The following NTN1 variants were observed in gnomAD, a reference collection of about 807,000 sequenced individuals.
The protein encoded by NTN1 is netrin-1.
Under a neutral mutation model 54.2 loss-of-function variants are expected in NTN1, and 11 were observed. That is an observed-to-expected ratio of 0.20 (90% CI 0.13 to 0.34). The LOEUF (loss-of-function observed/expected upper bound fraction) is 0.34, where lower values mean the gene tolerates loss of function less well. Ranked by LOEUF, NTN1 falls within the 10% of genes least tolerant of loss-of-function variation. The pLI is 1.00. For missense variants in NTN1, 740 were observed against 893.1 expected, an observed-to-expected ratio of 0.83 and a Z score of 2.18; for synonymous variants, 371 against 382.0, an observed-to-expected ratio of 0.97 and a Z score of 0.33.
At chr17:9,131,345 TTCAA>T (rs1175634007) in intron 2 of NTN1, among the ~76,000 whole-genome samples, 1 of 152,228 alleles carries the variant, frequency 6.6e-6, no homozygotes, top group African/African-American at 2.4e-5. Context: ...ATTGTTTCTC[TTCAA>T]TCACGAGAAA....
At chr17:9,031,182 A>C (rs1161507670) in intron 2 of NTN1, among the ~76,000 whole-genome samples, 1 of 152,198 alleles carries the variant, frequency 6.6e-6, no homozygotes, top group Non-Finnish European at 1.5e-5. Flanking sequence ...GCTGGCTTTA[A>C]ATAACTGAGT....
chr17:9,119,162 C>G (rs1436498546), intron 2 of NTN1, among the ~76,000 whole-genome samples: 2 of 152,054 alleles, frequency 1.3e-5, no homozygotes, highest in African/African-American at 4.8e-5. Flanking sequence ...TATTATTTGT[C>G]TTTTTAAAAA....
At chr17:9,147,840 A>G (rs1007039022) in intron 2 of NTN1, among the ~76,000 whole-genome samples, 1 of 152,222 alleles carries the variant, frequency 6.6e-6, no homozygotes, top group African/African-American at 2.4e-5. Flanking sequence ...TGAGCTCTAA[A>G]TGAATTGTAC....
At chr17:9,099,138 G>A (rs898637015) in intron 2 of NTN1, among the ~76,000 whole-genome samples, 2 of 152,196 alleles carry the variant, frequency 1.3e-5, no homozygotes, top group Non-Finnish European at 2.9e-5. Flanking sequence ...GCGCAGTGGC[G>A]CACGCTTGTG....
chr17:9,191,798 G>C (rs996419134), intron 5 of NTN1, among the ~76,000 whole-genome samples: 31 of 150,566 alleles, frequency 2.1e-4, no homozygotes, highest in African/African-American at 7.1e-4. Flanking sequence ...GAGGCCAACG[G>C]GGGAGGATCT....
chr17:9,209,640 G>C (rs542611585), intron 5 of NTN1, among the ~76,000 whole-genome samples: 2 of 152,308 alleles, frequency 1.3e-5, no homozygotes, highest in African/African-American at 4.8e-5. Context: ...GGCTTCCCTG[G>C]GCAGCACTTG....
At chr17:9,202,144 G>A (rs1904817363) in intron 5 of NTN1, among the ~76,000 whole-genome samples, 1 of 150,842 alleles carries the variant, frequency 6.6e-6, no homozygotes, top group Non-Finnish European at 1.5e-5. Context: ...AGGAGGCTGA[G>A]GCGGGAGAAT....
intron 2 of NTN1, among the ~76,000 whole-genome samples, chr17:9,112,928 G>A (rs1356445277): frequency 6.6e-6 from 1 of 151,896 alleles, no homozygotes; most frequent in Non-Finnish European, 1.5e-5. Flanking sequence ...TGGAGAAAAT[G>A]TGTTAGATAC....
chr17:9,145,458 C>A (rs192804398), intron 2 of NTN1, among the ~76,000 whole-genome samples: 18 of 152,316 alleles, frequency 1.2e-4, no homozygotes, highest in African/African-American at 4.3e-4. Flanking sequence ...GGAGGACTAA[C>A]CCCCTACCAC....
intron 2 of NTN1, among the ~76,000 whole-genome samples, chr17:9,114,413 T>G (rs1271324104): frequency 6.6e-6 from 1 of 150,816 alleles, no homozygotes. Context: ...GTTTGAATTT[T>G]TTGCAAAAAA....
chr17:9,104,841 C>T (rs754866422), intron 2 of NTN1, among the ~76,000 whole-genome samples: 5 of 152,292 alleles, frequency 3.3e-5, no homozygotes, highest in South Asian at 2.1e-4. Context: ...CTAGGGAGTG[C>T]GAGGTTGGCC....
At chr17:9,145,724 G>A (rs4791338) in intron 2 of NTN1, among the ~76,000 whole-genome samples, 12 of 151,928 alleles carry the variant, frequency 7.9e-5, no homozygotes, top group Non-Finnish European at 1.6e-4. Context: ...TGAGACCAGC[G>A]TGGCCAACAT....
At chr17:9,213,058 G>C (rs1241863295) in intron 5 of NTN1, among the ~76,000 whole-genome samples, 2 of 152,228 alleles carry the variant, frequency 1.3e-5, no homozygotes, top group Non-Finnish European at 2.9e-5. Flanking sequence ...CTGGGATTGG[G>C]CCTGCAGGCC....
chr17:9,243,130 G>A lies in NTN1; in HGVS notation c.*3162G>A, dbSNP rs142260746. The stretch of plus-strand genomic sequence containing the variant: ...ACACGCAGTAATGCCGAAGATTTGC[G>A]GGGGAGGACATAGGGCTGTCCCCGG... On this transcript the variant is annotated 3_prime_UTR_variant, in exon 7 of 7. Transcript: ENST00000173229. 3.6e-4 allele frequency: 55 copies of A among 152,324 alleles called. No homozygotes were observed. Among genetic ancestry groups the A allele is most frequent in the African/African-American group, 1.3e-3 (54 of 41,572 alleles). 9.4% of individuals were successfully genotyped at this position (152,324 alleles called of 1,614,324 possible).
Position 9,242,495 on chromosome 17 carries a change from C to A in NTN1, c.*2527C>A, listed in dbSNP as rs113196403. ...TATCCCACCCTGGGTCTGGGTCTCA[C>A]GGGTGTCCTGTGAGGGGCTTGCATT... is the stretch of plus-strand genomic sequence containing the variant. On this transcript the variant is annotated 3_prime_UTR_variant, in exon 7 of 7. Transcript: ENST00000173229. 0.01 allele frequency: 1,568 copies of A among 152,430 alleles called. 15 individuals carry two copies. Among genetic ancestry groups the A allele is most frequent in the Middle Eastern group, 0.037 (11 of 294 alleles). The allele number at this position is 152,430 out of a possible 1,614,324, so 9.4% of individuals were successfully genotyped here.
chr17:9,201,451 T>G (rs886419074), intron 5 of NTN1, among the ~76,000 whole-genome samples: 2 of 152,210 alleles, frequency 1.3e-5, no homozygotes, highest in African/African-American at 4.8e-5. Flanking sequence ...AAGAGGAACA[T>G]GAGACCAGAG....
At chr17:9,046,148 A>T (rs1460413357) in intron 2 of NTN1, among the ~76,000 whole-genome samples, 2 of 152,360 alleles carry the variant, frequency 1.3e-5, no homozygotes, top group South Asian at 2.1e-4. Flanking sequence ...ATCACGTGTG[A>T]TGAAGGTGTA....
At chr17:9,137,575 C>G (rs966795417) in intron 2 of NTN1, among the ~76,000 whole-genome samples, 2 of 152,114 alleles carry the variant, frequency 1.3e-5, no homozygotes, top group African/African-American at 4.8e-5. Flanking sequence ...GGTGGATCAC[C>G]TGAGGTCAGG....
intron 2 of NTN1, among the ~76,000 whole-genome samples, chr17:9,114,166 A>AATAT (rs34188198): frequency 0.018 from 1,359 of 74,492 alleles, 79 homozygotes; most frequent in African/African-American, 0.064. Context: ...AAAAAAAAAA[A>AATAT]ATATATATAT....
Sources: allele counts gnomAD v4.1 joint callset (sites outside exome capture counted in the v4.1 genomes callset), GRCh38; gene constraint gnomAD v4.1.1; transcripts MANE v1.5; gene names NCBI Gene and HGNC (gene_info 2026-07-23, HGNC 2026-07-21).